Variants in NKX2-2 observed in about 807,000 individuals in gnomAD.
NKX2-2 encodes the protein homeobox protein Nkx-2.2.
In NKX2-2, 8 loss-of-function variants were observed where a neutral mutation model predicts 24.6. The observed-to-expected ratio is 0.32, with a 90% CI of 0.19 to 0.59. The LOEUF is 0.59. NKX2-2 is among the 20% of genes least tolerant of loss of function. The probability of loss-of-function intolerance (pLI) is 0.86; values close to 1 mark genes in which losing one functional copy is unlikely to be tolerated. For missense variants in NKX2-2, 381 were observed against 373.9 expected, an observed-to-expected ratio of 1.02 and a Z score of -0.16; for synonymous variants, 217 against 173.3, an observed-to-expected ratio of 1.25 and a Z score of -1.98.
At position 21,513,676 on chromosome 20, in the gene NKX2-2, A is replaced by G. The variant is rs1207718532; in HGVS notation, c.-7T>C. The G allele has an allele frequency of 6.6e-6, 10 of 1,504,440 alleles. No individual in the cohort carries two copies. The highest frequency in any genetic ancestry group is 8.0e-6 in the Non-Finnish European group (9 of 1,126,290). 93.2% of individuals were successfully genotyped at this position (1,504,440 alleles called of 1,614,324 possible). On this transcript the variant is annotated 5_prime_UTR_variant, in exon 1 of 2. Coordinates refer to ENST00000377142, the MANE Select transcript of NKX2-2 (RefSeq NM_002509.4). This position sits in a 1 kb window ranked among gnomAD's most constrained non-coding sequence, Gnocchi z 4.6. ...TTGTGTTGGTCAGCGACATGGTTCG[A>G]GACCCCAAAATTTATGTCGCAAAGT...
At chr20:21,516,471 C>T (rs1255051745), upstream of NKX2-2, among the ~76,000 whole-genome samples, 1 of 151,248 alleles carries the variant, frequency 6.6e-6, no homozygotes, top group Non-Finnish European at 1.5e-5. Context: ...GGGAGCTCGT[C>T]GCTCTGCCCC....
upstream of NKX2-2, among the ~76,000 whole-genome samples, chr20:21,515,130 G>T (rs554885323): frequency 6.6e-6 from 1 of 152,126 alleles, no homozygotes; most frequent in Non-Finnish European, 1.5e-5. Context: ...GGCTCTGCGG[G>T]CCTCTTTCCC....
rs555799303 is a variant in NKX2-2, at chr20:21,511,909, C to G, written c.*14G>C. 24 of 1,561,794 alleles carry G rather than the reference C, an allele frequency of 1.5e-5. No individual in the cohort carries two copies. In the South Asian group the frequency reaches 2.1e-4, roughly 14 times the overall value. Reference sequence around the variant, plus strand: ...GGCCTGGGCCTGGGGCCGCGAGTCTCGTTGGGGCGGCGCTCACCAAGTCCA... The same window carrying G: ...GGCCTGGGCCTGGGGCCGCGAGTCTGGTTGGGGCGGCGCTCACCAAGTCCA... On this transcript the variant is annotated 3_prime_UTR_variant, in exon 2 of 2. Coordinates refer to ENST00000377142, the MANE Select transcript of NKX2-2 (RefSeq NM_002509.4).
At chr20:21,515,532 C>A (rs1486282314), upstream of NKX2-2, among the ~76,000 whole-genome samples, 1 of 151,942 alleles carries the variant, frequency 6.6e-6, no homozygotes, top group African/African-American at 2.4e-5. Flanking sequence ...GCACTTCCTC[C>A]TCGGCGCTGG....
Position 21,511,930 on chromosome 20 carries a change from G to A in NKX2-2, c.815C>T (p.Thr272Ile). ...AHPLVQAQQWTW is the reference protein window; with the variant it reads ...AHPLVQAQQWIW Reference sequence around the variant, plus strand: ...GTCTCGTTGGGGCGGCGCTCACCAAGTCCACTGCTGGGCCTGGACCAGGGG... The same window carrying A: ...GTCTCGTTGGGGCGGCGCTCACCAAATCCACTGCTGGGCCTGGACCAGGGG... Residue 272 changes from threonine (T) to isoleucine (I), a missense_variant, in exon 2 of 2, where the codon ACT becomes ATT. Around this residue, in one of 3 missense-constraint regions of NKX2-2, gnomAD observed 139 missense variants for 121.7 expected, o/e 1.14. Coordinates refer to ENST00000377142, the MANE Select transcript of NKX2-2 (RefSeq NM_002509.4). 6.3e-7 allele frequency: 1 copy of A among 1,583,524 alleles called. No homozygotes were observed. The highest frequency in any genetic ancestry group is 1.1e-5 in the South Asian group (1 of 89,390).
upstream of NKX2-2, among the ~76,000 whole-genome samples, chr20:21,517,113 G>A (rs1157087489): frequency 6.6e-6 from 1 of 152,182 alleles, no homozygotes; most frequent in South Asian, 2.1e-4. Flanking sequence ...TAGAGAAGGA[G>A]GCCCTCAGCC....
Position 21,513,478 on chromosome 20 carries a change from G to A in NKX2-2, c.192C>T (p.Pro64=), listed in dbSNP as rs370586863. 6.2e-6 allele frequency: 10 copies of A among 1,610,690 alleles called. No individual in the cohort carries two copies. In the African/African-American group the frequency reaches 1.1e-4, roughly 17 times the overall value. ...DAVQSLPLKN[P]FYDSSDNPYT... ...ACGGGTTGTCGCTGCTGTCGTAGAA[G>A]GGGTTCTTCAGGGGCAGGCTCTGCA... The change falls in exon 1 of 2, where the codon CCC becomes CCT. Residue 64 remains proline (P), a synonymous_variant. Coordinates refer to ENST00000377142, the MANE Select transcript of NKX2-2 (RefSeq NM_002509.4). The surrounding 1 kb of genome is among the most constrained non-coding windows in gnomAD (Gnocchi z 4.6).
the NKX2-2 span, among the ~76,000 whole-genome samples, chr20:21,520,179 C>T: frequency 3.3e-5 from 5 of 152,088 alleles, no homozygotes; most frequent in Non-Finnish European, 7.4e-5. Flanking sequence ...GGAAAATCCC[C>T]ACCCCGTTCC....
the NKX2-2 span, among the ~76,000 whole-genome samples, chr20:21,519,411 A>C: frequency 6.6e-6 from 1 of 152,214 alleles, no homozygotes; most frequent in Non-Finnish European, 1.5e-5. Context: ...TCCAGCAAGG[A>C]TTAACGGCGC....
At chr20:21,519,718 A>G in the NKX2-2 span, among the ~76,000 whole-genome samples, 1 of 152,234 alleles carries the variant, frequency 6.6e-6, no homozygotes, top group Non-Finnish European at 1.5e-5. Context: ...ACCTTTGCTA[A>G]CCAGAAAATG....
At chr20:21,521,145 G>A in the NKX2-2 span, among the ~76,000 whole-genome samples, 11 of 152,172 alleles carry the variant, frequency 7.2e-5, no homozygotes, top group Non-Finnish European at 8.8e-5. Flanking sequence ...GGCACAGAGA[G>A]GGGGTTCCTA....
upstream of NKX2-2, among the ~76,000 whole-genome samples, chr20:21,514,919 C>T (rs1341291717): frequency 6.6e-6 from 1 of 152,248 alleles, no homozygotes; most frequent in African/African-American, 2.4e-5. Context: ...CTTCCAGCCG[C>T]CCTTTATTTG....
At position 21,513,683 on chromosome 20, in the gene NKX2-2, A is replaced by C; in HGVS notation, c.-14T>G. On this transcript the variant is annotated 5_prime_UTR_variant, in exon 1 of 2. Coordinates refer to ENST00000377142, the MANE Select transcript of NKX2-2 (RefSeq NM_002509.4). The surrounding 1 kb of genome is among the most constrained non-coding windows in gnomAD (Gnocchi z 4.6). ...GGTCAGCGACATGGTTCGAGACCCC[A>C]AAATTTATGTCGCAAAGTTGTAGCT... 6.6e-7 allele frequency: 1 copy of C among 1,509,524 alleles called. No homozygotes were observed. The highest frequency in any genetic ancestry group is 8.8e-7 in the Non-Finnish European group (1 of 1,131,390). 93.5% of individuals were successfully genotyped at this position (1,509,524 alleles called of 1,614,324 possible). A position where few individuals can be genotyped will look rare whatever the true frequency, so the allele number is the denominator to read the frequency against.
chr20:21,513,744 CGGG>C lies in NKX2-2; in HGVS notation c.-78_-76del. The C allele has an allele frequency of 2.1e-6, 1 of 477,530 alleles. No homozygotes were observed. The highest frequency in any genetic ancestry group is 2.5e-6 in the Non-Finnish European group (1 of 406,848). 29.6% of individuals were successfully genotyped at this position (477,530 alleles called of 1,614,324 possible). On this transcript the variant is annotated 5_prime_UTR_variant, in exon 1 of 2. Coordinates refer to ENST00000377142, the MANE Select transcript of NKX2-2 (RefSeq NM_002509.4). This position sits in a 1 kb window ranked among gnomAD's most constrained non-coding sequence, Gnocchi z 4.6. Reference sequence around the variant, plus strand: ...AATTCGTGGCGCTCCCCTGCCCCGGCGGGCGGGGGAGGGGGGAGTTGGGGGGAG... The same window carrying C: ...AATTCGTGGCGCTCCCCTGCCCCGGCCGGGGGAGGGGGGAGTTGGGGGGAG...
Position 21,511,838 on chromosome 20 carries a change from C to A in NKX2-2, c.*85G>T. The A allele has an allele frequency of 1.0e-6, 1 of 955,406 alleles. No individual in the cohort carries two copies. The highest frequency in any genetic ancestry group is 1.8e-5 in the South Asian group (1 of 56,270). The allele number at this position is 955,406 out of a possible 1,614,324, so 59.2% of individuals were successfully genotyped here. On this transcript the variant is annotated 3_prime_UTR_variant, in exon 2 of 2. Coordinates refer to ENST00000377142, the MANE Select transcript of NKX2-2 (RefSeq NM_002509.4). ...TAATAATTATAATAATAATAATAAC[C>A]ACCATAAGGACCGAGGCCTCCTCGC... is the stretch of plus-strand genomic sequence containing the variant.
At chr20:21,521,896 C>G in the NKX2-2 span, among the ~76,000 whole-genome samples, 1 of 152,204 alleles carries the variant, frequency 6.6e-6, no homozygotes, top group Admixed American at 6.5e-5. Context: ...CCGGACCCCC[C>G]TCGCTCTGCG....
the NKX2-2 span, among the ~76,000 whole-genome samples, chr20:21,522,621 G>C: frequency 1.3e-5 from 2 of 151,854 alleles, no homozygotes; most frequent in African/African-American, 4.8e-5. Context: ...GGTCCCGGCC[G>C]CTCTTTATCC....
chr20:21,511,172 A>C lies in NKX2-2; in HGVS notation c.*751T>G, dbSNP rs1600259861. 6.5e-6 allele frequency: 1 copy of C among 152,816 alleles called. No individual in the cohort carries two copies. Among genetic ancestry groups the C allele is most frequent in the East Asian group, 1.9e-4 (1 of 5,192 alleles). The allele number at this position is 152,816 out of a possible 1,614,324, so 9.5% of individuals were successfully genotyped here. A position where few individuals can be genotyped will look rare whatever the true frequency, so the allele number is the denominator to read the frequency against. On this transcript the variant is annotated 3_prime_UTR_variant, in exon 2 of 2. Transcript: ENST00000377142. ...GGACAGGGCAGAGGGCTCCCTGCCT[A>C]CAGGGTTTTCTTTTCCATATTTGAG... is the stretch of plus-strand genomic sequence containing the variant.
At chr20:21,514,520 G>C (rs1487492228), upstream of NKX2-2, among the ~76,000 whole-genome samples, 2 of 152,058 alleles carry the variant, frequency 1.3e-5, no homozygotes, top group African/African-American at 4.8e-5. Context: ...TGGGGAGGAG[G>C]AGGGGAGAAA....
Sources: allele counts gnomAD v4.1 joint callset (sites outside exome capture counted in the v4.1 genomes callset), GRCh38; gene constraint gnomAD v4.1.1; regional missense constraint gnomAD v4.1.1; non-coding constraint Gnocchi (gnomAD v3.1); transcripts MANE v1.5; gene names NCBI Gene and HGNC (gene_info 2026-07-23, HGNC 2026-07-21).